The following THSD7B variants were observed in gnomAD, a reference collection of about 807,000 sequenced individuals.
The protein encoded by THSD7B is thrombospondin type-1 domain-containing protein 7B.
In THSD7B, 138 loss-of-function variants were observed where a neutral mutation model predicts 213.6. The ratio of observed to expected loss-of-function variants is 0.65; its 90% CI spans 0.56 to 0.74. The LOEUF is 0.74. Ranked by LOEUF, THSD7B falls within the 30% of genes least tolerant of loss-of-function variation. The pLI is 0.00. For synonymous variants in THSD7B, 742 were observed against 687.0 expected, an observed-to-expected ratio of 1.08 and a Z score of -1.25; for missense variants, 1,931 against 1,991.5, an observed-to-expected ratio of 0.97 and a Z score of 0.58.
intron 15 of THSD7B, among the ~76,000 whole-genome samples, chr2:137,562,594 TTGTG>T (rs72488766): frequency 0.027 from 3,919 of 145,026 alleles, 155 homozygotes; most frequent in African/African-American, 0.087. Context: ...GTATTTCTCT[TTGTG>T]TGTGTGTGTG....
intron 12 of THSD7B, among the ~76,000 whole-genome samples, chr2:137,365,449 C>G (rs1308285784): frequency 1.3e-5 from 2 of 152,176 alleles, no homozygotes; most frequent in Non-Finnish European, 2.9e-5. Flanking sequence ...TCAGAGTGAA[C>G]AGGCAACCTA....
intron 7 of THSD7B, among the ~76,000 whole-genome samples, chr2:137,201,139 G>T (rs543954720): frequency 3.4e-4 from 52 of 152,074 alleles, no homozygotes; most frequent in Non-Finnish European, 6.8e-4. Flanking sequence ...GCATTCCATT[G>T]TTTGACTATA....
At chr2:137,143,724 T>C (rs1679637376) in intron 5 of THSD7B, among the ~76,000 whole-genome samples, 1 of 152,130 alleles carries the variant, frequency 6.6e-6, no homozygotes, top group Non-Finnish European at 1.5e-5. Flanking sequence ...TTAACCTTGC[T>C]CTTATTTCCC....
intron 12 of THSD7B, among the ~76,000 whole-genome samples, chr2:137,374,469 G>C (rs1558774713): frequency 6.6e-6 from 1 of 152,106 alleles, no homozygotes; most frequent in Non-Finnish European, 1.5e-5. Flanking sequence ...GTTATAGAAG[G>C]ACGTGAAAGT....
intron 10 of THSD7B, among the ~76,000 whole-genome samples, chr2:137,263,395 A>T (rs1472608812): frequency 6.6e-6 from 1 of 152,134 alleles, no homozygotes; most frequent in African/African-American, 2.4e-5. Flanking sequence ...ACAAGTAAGA[A>T]AATTGAAGTT....
At chr2:137,050,386 G>A (rs952935607) in intron 2 of THSD7B, among the ~76,000 whole-genome samples, 2 of 152,164 alleles carry the variant, frequency 1.3e-5, no homozygotes, top group Non-Finnish European at 2.9e-5. Flanking sequence ...TCTAGACACT[G>A]GCGACTAATA....
intron 17 of THSD7B, among the ~76,000 whole-genome samples, chr2:137,606,208 A>T (rs1258730407): frequency 1.3e-5 from 2 of 152,136 alleles, no homozygotes; most frequent in East Asian, 1.9e-4. Context: ...AAAGTGGCGT[A>T]GGAGAGTGAT....
At chr2:137,287,780 TG>T (rs75224264) in intron 12 of THSD7B, among the ~76,000 whole-genome samples, 14,921 of 151,842 alleles carry the variant, frequency 0.098, 1,278 homozygotes, top group East Asian at 0.43. Context: ...GATGGGTGGG[TG>T]GGGGTAATTT....
intron 3 of THSD7B, among the ~76,000 whole-genome samples, chr2:137,071,272 G>T (rs1009865960): frequency 1.3e-5 from 2 of 150,436 alleles, no homozygotes; most frequent in African/African-American, 4.9e-5. Flanking sequence ...GTGTGAGATG[G>T]TGTTGTGGTT....
chr2:137,429,708 G>A (rs924725400), intron 14 of THSD7B, among the ~76,000 whole-genome samples: 3 of 152,158 alleles, frequency 2.0e-5, no homozygotes, highest in African/African-American at 7.2e-5. Flanking sequence ...AAGAATGAGA[G>A]TGCATTGTTG....
intron 15 of THSD7B, among the ~76,000 whole-genome samples, chr2:137,557,880 T>G (rs1271369990): frequency 2.0e-5 from 3 of 151,986 alleles, no homozygotes; most frequent in Non-Finnish European, 4.4e-5. Context: ...TGATAAGGGA[T>G]ATCACCACTG....
At chr2:136,882,113 A>C in intron 1 of THSD7B, 31 bp from the exon 2 acceptor site, 1 of 1,400,526 alleles carries the variant, frequency 7.1e-7, no homozygotes, top group Non-Finnish European at 9.3e-7. Flanking sequence ...TTACAGAAGA[A>C]ACTTACCTGA....
At chr2:137,149,624 G>C (rs1679774288) in intron 5 of THSD7B, among the ~76,000 whole-genome samples, 1 of 152,202 alleles carries the variant, frequency 6.6e-6, no homozygotes. Context: ...TCTTGCATCA[G>C]CATGACCTGG....
intron 12 of THSD7B, among the ~76,000 whole-genome samples, chr2:137,310,195 T>G (rs1683860532): frequency 6.6e-6 from 1 of 152,186 alleles, no homozygotes; most frequent in African/African-American, 2.4e-5. Context: ...TGATTGCCAT[T>G]CTAACTGGTG....
At chr2:137,449,663 A>T (rs551859877) in intron 14 of THSD7B, among the ~76,000 whole-genome samples, 1 of 152,168 alleles carries the variant, frequency 6.6e-6, no homozygotes, top group African/African-American at 2.4e-5. Flanking sequence ...GGCTGCTTGC[A>T]GTTTCCTGTC....
chr2:136,871,639 A>G (rs757326150), intron 1 of THSD7B, among the ~76,000 whole-genome samples: 1 of 152,196 alleles, frequency 6.6e-6, no homozygotes, highest in Non-Finnish European at 1.5e-5. Context: ...TTCTGAAATT[A>G]TAAGAATGTA....
At chr2:137,246,199 G>A (rs534708902) in intron 10 of THSD7B, among the ~76,000 whole-genome samples, 5 of 152,128 alleles carry the variant, frequency 3.3e-5, no homozygotes, top group South Asian at 2.1e-4. Context: ...TGGAAACCTC[G>A]ACTAATGAAG....
chr2:137,343,386 T>C (rs988498791), intron 12 of THSD7B, among the ~76,000 whole-genome samples: 1 of 151,772 alleles, frequency 6.6e-6, no homozygotes, highest in Non-Finnish European at 1.5e-5. Context: ...GAATCTATTC[T>C]TTTTTTCTAG....
intron 15 of THSD7B, among the ~76,000 whole-genome samples, chr2:137,465,896 G>T (rs1687982524): frequency 6.6e-6 from 1 of 152,068 alleles, no homozygotes. Flanking sequence ...TTGCTTAGGT[G>T]GGGAAAGACC....
Sources: gnomAD v4.1 joint callset for allele counts (sites outside exome capture counted in the v4.1 genomes callset) on GRCh38, gnomAD v4.1.1 for gene constraint, MANE v1.5 for transcripts, NCBI Gene and HGNC (gene_info 2026-07-23, HGNC 2026-07-21) for gene names.